Variants in DPYD observed in about 807,000 individuals in gnomAD.
DPYD encodes dihydropyrimidine dehydrogenase.
A neutral mutation model predicts 116.2 loss-of-function variants in DPYD; 109 were observed. The observed-to-expected ratio is 0.94, with a 90% confidence interval of 0.80 to 1.10. The LOEUF is 1.10. DPYD is among the 50% of genes least tolerant of loss of function. DPYD has a pLI of 0.00. For synonymous variants in DPYD, 440 were observed against 432.0 expected (o/e 1.02, Z -0.23); for missense variants, 1,302 against 1,254.5 (o/e 1.04, Z -0.57).
At chr1:97,523,023 T>G (rs564273295) in intron 12 of DPYD, among the ~76,000 whole-genome samples, 1 of 152,310 alleles carries the variant, frequency 6.6e-6, no homozygotes, top group African/African-American at 2.4e-5. Context: ...AGAACTCGAA[T>G]TTTTGCCATT....
chr1:97,806,140 T>C (rs74108403), intron 3 of DPYD, among the ~76,000 whole-genome samples: 7,389 of 151,938 alleles, frequency 0.049, 579 homozygotes, highest in African/African-American at 0.16. Flanking sequence ...AATAAACATT[T>C]TTGTCAAGTT....
At chr1:97,237,530 T>G (rs1557962496) in intron 18 of DPYD, among the ~76,000 whole-genome samples, 1 of 152,170 alleles carries the variant, frequency 6.6e-6, no homozygotes, top group African/African-American at 2.4e-5. Context: ...ACATTAAGAT[T>G]CTACTTCTAT....
At chr1:97,144,344 C>A (rs1346260401) in intron 20 of DPYD, among the ~76,000 whole-genome samples, 3 of 152,156 alleles carry the variant, frequency 2.0e-5, no homozygotes, top group Non-Finnish European at 4.4e-5. Flanking sequence ...CAAATATACT[C>A]AATTAATGGA....
chr1:97,646,652 C>T (rs771953090), intron 8 of DPYD, among the ~76,000 whole-genome samples: 4 of 151,666 alleles, frequency 2.6e-5, no homozygotes, highest in Admixed American at 6.6e-5. Context: ...AAATTAATTG[C>T]CTCTTTTCCA....
chr1:97,260,055 A>G (rs909367867), intron 18 of DPYD, among the ~76,000 whole-genome samples: 7 of 152,162 alleles, frequency 4.6e-5, no homozygotes, highest in Admixed American at 4.6e-4. Context: ...CAGAAATATA[A>G]GGTATCATCA....
intron 18 of DPYD, among the ~76,000 whole-genome samples, chr1:97,282,033 C>T (rs12029106): frequency 0.23 from 35,457 of 151,944 alleles, 4,327 homozygotes; most frequent in Middle Eastern, 0.28. Context: ...ATATCTATCT[C>T]TATTTTAAGC....
chr1:97,299,469 C>A (rs28478258), intron 18 of DPYD, among the ~76,000 whole-genome samples: 9,975 of 152,028 alleles, frequency 0.066, 333 homozygotes, highest in Admixed American at 0.097. Context: ...TATCCAGGTA[C>A]CCATGAATTT....
intron 18 of DPYD, among the ~76,000 whole-genome samples, chr1:97,270,588 A>G (rs1664514493): frequency 6.6e-6 from 1 of 152,152 alleles, no homozygotes; most frequent in Non-Finnish European, 1.5e-5. Context: ...TTCATATATA[A>G]ACAATTGCTA....
chr1:97,279,439 G>A (rs991905155), intron 18 of DPYD, among the ~76,000 whole-genome samples: 13 of 152,288 alleles, frequency 8.5e-5, no homozygotes, highest in Non-Finnish European at 1.6e-4. Context: ...TTGGACCCCA[G>A]TTTCCATCAC....
intron 20 of DPYD, among the ~76,000 whole-genome samples, chr1:97,173,239 CAT>C (rs1309664572): frequency 1.0e-4 from 14 of 137,918 alleles, no homozygotes; most frequent in East Asian, 2.2e-4. Context: ...TATGCGCACA[CAT>C]ATATGTACAT....
intron 20 of DPYD, among the ~76,000 whole-genome samples, chr1:97,149,549 A>G (rs1204437443): frequency 6.6e-6 from 1 of 152,214 alleles, no homozygotes; most frequent in Non-Finnish European, 1.5e-5. Flanking sequence ...CACCGCGTCC[A>G]GCTGATAACT....
chr1:97,295,680 C>T (rs1024519682), intron 18 of DPYD: 15 of 798,870 alleles, frequency 1.9e-5, no homozygotes, highest in East Asian at 1.3e-4. Context: ...ATCTGCCCGC[C>T]GCAGCTTCCC....
intron 3 of DPYD, among the ~76,000 whole-genome samples, chr1:97,819,411 C>T (rs186360480): frequency 2.1e-3 from 314 of 152,008 alleles, no homozygotes; most frequent in African/African-American, 7.4e-3. Flanking sequence ...TACCCTTATA[C>T]ATGGGCATTT....
chr1:97,192,185 A>C (rs147252710), intron 20 of DPYD, among the ~76,000 whole-genome samples: 1,790 of 152,220 alleles, frequency 0.012, 18 homozygotes, highest in Non-Finnish European at 0.019. Context: ...TAAGTCAATT[A>C]TATGATGTTT....
intron 14 of DPYD, among the ~76,000 whole-genome samples, chr1:97,443,414 A>G (rs561174932): frequency 1.3e-5 from 2 of 152,216 alleles, no homozygotes; most frequent in Admixed American, 6.5e-5. Flanking sequence ...GCACAAAAAA[A>G]CTGAACGGTT....
intron 20 of DPYD, among the ~76,000 whole-genome samples, chr1:97,176,407 C>G (rs74660763): frequency 0.17 from 25,797 of 152,030 alleles, 2,658 homozygotes; most frequent in Middle Eastern, 0.27. Context: ...TCCCCTGGTC[C>G]CCACACAAGG....
intron 19 of DPYD, among the ~76,000 whole-genome samples, chr1:97,203,933 A>C (rs79375305): frequency 6.6e-6 from 1 of 152,004 alleles, no homozygotes; most frequent in Non-Finnish European, 1.5e-5. Flanking sequence ...GTTAATCTAT[A>C]ATTGATAAAA....
chr1:97,174,086 T>C (rs1570603732), intron 20 of DPYD, among the ~76,000 whole-genome samples: 1 of 152,014 alleles, frequency 6.6e-6, no homozygotes, highest in Non-Finnish European at 1.5e-5. Context: ...TAGAAATGTA[T>C]TTGATTTAAA....
chr1:97,353,607 T>C (rs1670258349), intron 16 of DPYD, among the ~76,000 whole-genome samples: 1 of 149,928 alleles, frequency 6.7e-6, no homozygotes, highest in South Asian at 2.1e-4. Flanking sequence ...TTAACATTAA[T>C]AACTGGAAAA....
Sources: gnomAD v4.1 joint callset for allele counts (sites outside exome capture counted in the v4.1 genomes callset) on GRCh38, gnomAD v4.1.1 for gene constraint, MANE v1.5 for transcripts, NCBI Gene and HGNC (gene_info 2026-07-23, HGNC 2026-07-21) for gene names.